Variants in PRKACB observed in about 807,000 individuals in gnomAD.
PRKACB encodes cAMP-dependent protein kinase catalytic subunit beta.
PRKACB carries 16 observed loss-of-function variants against 51.4 expected under a neutral mutation model. That is an observed-to-expected ratio of 0.31 (90% CI 0.21 to 0.47). PRKACB has a LOEUF of 0.47. Ranked by LOEUF, PRKACB falls within the 20% of genes least tolerant of loss-of-function variation. The pLI, the probability that PRKACB is intolerant of heterozygous loss-of-function variation, is 1.00. For synonymous variants in PRKACB, 147 were observed against 154.4 expected (o/e 0.95, Z 0.35); for missense variants, 309 against 464.5 (o/e 0.67, Z 3.08).
rs527970053 is a variant in PRKACB, at chr1:84,089,137, G to A, written c.46+10766G>A. On this transcript the variant is annotated intron_variant, in intron 1 of 8. Coordinates refer to the PRKACB transcript ENST00000370688. The stretch of plus-strand genomic sequence containing the variant: ...TTAGTGTTTTAATCTCTGGAATGTG[G>A]CACAGTTCTTGGCTCATGTCATGGT... 3.3e-5 allele frequency among the ~76,000 whole-genome samples: 5 copies of A among 152,208 alleles called. No individual in the cohort carries two copies. In the South Asian group the frequency reaches 1.0e-3, roughly 32 times the overall value.
chr1:84,203,428 G>A (rs1315382864), intron 8 of PRKACB, among the ~76,000 whole-genome samples: 1 of 151,824 alleles, frequency 6.6e-6, no homozygotes, highest in African/African-American at 2.4e-5. Flanking sequence ...TCCTTCTTTT[G>A]CACTTATAAC....
chr1:84,214,012 G>A, intron 8 of PRKACB, 141 bp from the exon 9 acceptor site: 1 of 800,352 alleles, frequency 1.2e-6, no homozygotes, highest in Non-Finnish European at 1.8e-6. Flanking sequence ...GTAACATGTA[G>A]TTAAAAGTAT....
rs1311901456 is a variant in PRKACB at position 84,199,073 on chromosome 1, A to ATG, written c.783+1250_783+1251insGT. ...CATATATATATGCGTATATATGCATATATGTATATATATGCGTATATATGC... is the reference window on the plus strand; with the variant it reads ...CATATATATATGCGTATATATGCATATGTATGTATATATATGCGTATATATGC... On this transcript the variant is annotated intron_variant, in intron 7 of 9. Transcript: ENST00000370685. Among the ~76,000 whole-genome samples, 6 of 51,666 alleles carry ATG rather than the reference A, an allele frequency of 1.2e-4. No individual in the cohort carries two copies. The East Asian group carries it at 1.8e-3, about 16-fold the overall frequency. The allele number at this position is 51,666 out of a possible 152,430, so 33.9% of individuals were successfully genotyped here.
intron 1 of PRKACB, among the ~76,000 whole-genome samples, chr1:84,145,252 A>G (rs1477758855): frequency 6.6e-6 from 1 of 152,142 alleles, no homozygotes; most frequent in Non-Finnish European, 1.5e-5. Context: ...ACACTCTAAA[A>G]GATAAATTGC....
At position 84,214,324 on chromosome 1, in the gene PRKACB, CTT is replaced by C; in HGVS notation, c.1071+9_1071+10del. ...TGCTATTTACCAGAGGAAGGTGAGACTTTCTTTTTTAATTTAAAAGCTTTTTT... is the reference window on the plus strand; with the variant it reads ...TGCTATTTACCAGAGGAAGGTGAGACTCTTTTTTAATTTAAAAGCTTTTTT... On this transcript the variant is annotated splice_region_variant and intron_variant, in intron 9 of 9. Coordinates refer to ENST00000370685, the MANE Select transcript of PRKACB (RefSeq NM_182948.4). The C allele has an allele frequency of 1.9e-6, 3 of 1,555,460 alleles. No homozygotes were observed. Among genetic ancestry groups the C allele is most frequent in the Middle Eastern group, 1.7e-4 (1 of 5,780 alleles).
Position 84,182,279 on chromosome 1 carries a change from A to C in PRKACB, c.329A>C (p.His110Pro). The C allele has an allele frequency of 6.2e-7, 1 of 1,605,638 alleles. No individual in the cohort carries two copies. Among genetic ancestry groups the C allele is most frequent in the Non-Finnish European group, 8.5e-7 (1 of 1,175,394 alleles). ...GSFGRVMLVK[H>P]KATEQYYAMK... is the part of the protein sequence containing the mutation. ...TTTGGAAGAGTCATGTTGGTAAAAC[A>C]CAAAGCCACTGAACAGTATTATGCC... is the stretch of plus-strand genomic sequence containing the variant. The change falls in exon 3 of 10, where the codon CAC (histidine) becomes CCC (proline). Residue 110 changes from histidine (H) to proline (P), a missense_variant. Physicochemically the swap from His to Pro is moderately conservative, Grantham distance 77. Transcript: ENST00000370685.
At chr1:84,174,597 A>G (rs1194744017) in intron 1 of PRKACB, among the ~76,000 whole-genome samples, 1 of 151,942 alleles carries the variant, frequency 6.6e-6, no homozygotes, top group Admixed American at 6.6e-5. Context: ...AGGAAGTGGA[A>G]TGACTGAAAA....
At chr1:84,218,758 A>G (rs1212957927) in intron 9 of PRKACB, among the ~76,000 whole-genome samples, 1 of 152,198 alleles carries the variant, frequency 6.6e-6, no homozygotes, top group Non-Finnish European at 1.5e-5. Context: ...ATTTTTACCA[A>G]CAGTGTATAA....
chr1:84,235,135 A>AT (rs761570659), intron 9 of PRKACB, 45 bp from the exon 10 acceptor site: 119 of 1,556,408 alleles, frequency 7.6e-5, no homozygotes, highest in South Asian at 1.3e-4. Flanking sequence ...ACTCTCAGGA[A>AT]TTTTTTTTTC....
chr1:84,166,606 G>A (rs369478490), intron 1 of PRKACB, among the ~76,000 whole-genome samples: 1 of 151,600 alleles, frequency 6.6e-6, no homozygotes, highest in African/African-American at 2.4e-5. Flanking sequence ...AATTTCAACT[G>A]ATTTTAATCA....
At chr1:84,186,322 G>A (rs1337251342) in intron 5 of PRKACB, among the ~76,000 whole-genome samples, 2 of 151,998 alleles carry the variant, frequency 1.3e-5, no homozygotes, top group African/African-American at 4.8e-5. Flanking sequence ...GGGTTCCAGT[G>A]ATTCTCTTGC....
chr1:84,106,515 A>G (rs1649762445), intron 1 of PRKACB, among the ~76,000 whole-genome samples: 2 of 152,180 alleles, frequency 1.3e-5, no homozygotes, highest in Admixed American at 1.3e-4. Flanking sequence ...AATTCCCACA[A>G]AAAAGGTTAA....
intron 1 of PRKACB, among the ~76,000 whole-genome samples, chr1:84,122,132 C>T (rs1031662862): frequency 6.6e-6 from 1 of 152,036 alleles, no homozygotes; most frequent in South Asian, 2.1e-4. Context: ...TGTTGCATAC[C>T]TCATAACTGC....
chr1:84,179,279 A>G (rs757608265), intron 2 of PRKACB, 41 bp downstream of exon 2: 5 of 1,503,230 alleles, frequency 3.3e-6, no homozygotes, highest in African/African-American at 1.4e-5. Context: ...AAAATCTTGT[A>G]TTAATAAAAT....
intron 2 of PRKACB, among the ~76,000 whole-genome samples, 160 bp downstream of exon 2, chr1:84,179,398 T>G (rs1398384345): frequency 1.3e-5 from 2 of 151,944 alleles, no homozygotes; most frequent in Non-Finnish European, 2.9e-5. Flanking sequence ...CTTTGATGTA[T>G]TAATTAATAA....
chr1:84,144,406 A>C lies in PRKACB; in HGVS notation c.45A>C (p.Thr15=). 6.2e-7 allele frequency: 1 copy of C among 1,613,548 alleles called. No homozygotes were observed. The highest frequency in any genetic ancestry group is 8.5e-7 in the Non-Finnish European group (1 of 1,179,702). Residue 15 remains threonine (T), a synonymous_variant, in exon 1 of 10, where the codon ACA becomes ACC. Transcript: ENST00000370685. ...REPPCNQYTG[T]TTALQKLEGF... ...CACCTTGTAACCAGTATACAGGTAC[A>C]ACTACAGCTCTTCAGAAATTGGAAG...
At chr1:84,114,232 A>G (rs1650454344) in intron 1 of PRKACB, among the ~76,000 whole-genome samples, 2 of 152,186 alleles carry the variant, frequency 1.3e-5, no homozygotes, top group African/African-American at 4.8e-5. Flanking sequence ...CAGGTAAAAT[A>G]TAGTACATTT....
intron 1 of PRKACB, among the ~76,000 whole-genome samples, chr1:84,097,308 TAGATAGTATCTACATTA>T (rs143316321): frequency 0.014 from 2,176 of 152,148 alleles, 52 homozygotes; most frequent in African/African-American, 0.049. Context: ...GATACATTAG[TAGATAGTATCTACATTA>T]GTAGATACTA....
intron 5 of PRKACB, among the ~76,000 whole-genome samples, chr1:84,191,055 G>A (rs1041284650): frequency 6.6e-6 from 1 of 152,004 alleles, no homozygotes; most frequent in Non-Finnish European, 1.5e-5. Context: ...TTTTGATCCT[G>A]TTATTATGTT....
Sources: gnomAD v4.1 joint callset for allele counts (sites outside exome capture counted in the v4.1 genomes callset) on GRCh38, gnomAD v4.1.1 for gene constraint, MANE v1.5 for transcripts, NCBI Gene and HGNC (gene_info 2026-07-23, HGNC 2026-07-21) for gene names.